Variants in SPMIP4 observed in about 807,000 individuals in gnomAD.
SPMIP4 encodes the protein sperm microtubule inner protein 4, also known as sperm-associated microtubule inner protein 4.
chr7:25,130,679 C>T, the SPMIP4 span, among the ~76,000 whole-genome samples: 19 of 152,090 alleles, frequency 1.2e-4, no homozygotes, highest in Admixed American at 2.0e-4. Context: ...AACCTTGTGA[C>T]CTTTCATTAG....
At chr7:25,135,767 T>C in the SPMIP4 span, 7 of 1,257,800 alleles carry the variant, frequency 5.6e-6, no homozygotes, top group Non-Finnish European at 7.0e-6. Flanking sequence ...TATTGCCAAA[T>C]TGTTAAACTT....
At chr7:25,152,454 A>T in the SPMIP4 span, among the ~76,000 whole-genome samples, 1 of 151,646 alleles carries the variant, frequency 6.6e-6, no homozygotes, top group South Asian at 2.1e-4. Context: ...AACACTTACC[A>T]TGTGCCAGTC....
the SPMIP4 span, among the ~76,000 whole-genome samples, chr7:25,174,279 CCT>C: frequency 4.0e-5 from 6 of 151,874 alleles, no homozygotes; most frequent in South Asian, 6.3e-4. The surrounding 1 kb of genome is among the most constrained non-coding windows in gnomAD (Gnocchi z 4.5). Context: ...TGTCTCTCTC[CCT>C]CTCTCTCCCT....
At chr7:25,164,800 C>T in the SPMIP4 span, among the ~76,000 whole-genome samples, 1 of 152,116 alleles carries the variant, frequency 6.6e-6, no homozygotes, top group East Asian at 1.9e-4. Context: ...CCCCTGAGTC[C>T]CCAGAGTCCA....
At chr7:25,174,802 A>G in the SPMIP4 span, among the ~76,000 whole-genome samples, 1 of 152,222 alleles carries the variant, frequency 6.6e-6, no homozygotes, top group African/African-American at 2.4e-5. This position sits in a 1 kb window ranked among gnomAD's most constrained non-coding sequence, Gnocchi z 4.5. Flanking sequence ...AGGAATCTTG[A>G]TGATTTTGAG....
At chr7:25,136,345 A>G in the SPMIP4 span, 1 of 1,614,098 alleles carries the variant, frequency 6.2e-7, no homozygotes, top group Non-Finnish European at 8.5e-7. The surrounding 1 kb of genome is among the most constrained non-coding windows in gnomAD (Gnocchi z 5.7). Context: ...GGGAGATTTA[A>G]GATTTTCATA....
At chr7:25,153,149 T>C in the SPMIP4 span, among the ~76,000 whole-genome samples, 4 of 152,224 alleles carry the variant, frequency 2.6e-5, no homozygotes, top group Non-Finnish European at 4.4e-5. Context: ...TGTTAGAGGA[T>C]GCTCATCTTT....
At chr7:25,179,525 CCA>C in the SPMIP4 span, 1 of 411,148 alleles carries the variant, frequency 2.4e-6, no homozygotes, top group Non-Finnish European at 4.2e-6. Flanking sequence ...TGAAACAAAT[CCA>C]CAAAGTGGAC....
the SPMIP4 span, among the ~76,000 whole-genome samples, chr7:25,128,790 T>A: frequency 6.6e-6 from 1 of 152,202 alleles, no homozygotes; most frequent in African/African-American, 2.4e-5. The surrounding 1 kb of genome is among the most constrained non-coding windows in gnomAD (Gnocchi z 4.5). Context: ...CCACCACACC[T>A]GAAGCCAGCA....
chr7:25,166,324 A>C, the SPMIP4 span, among the ~76,000 whole-genome samples: 1 of 144,982 alleles, frequency 6.9e-6, no homozygotes, highest in Non-Finnish European at 1.5e-5. Context: ...GTGGTGGCTC[A>C]CGCCTGTAAT....
the SPMIP4 span, chr7:25,142,373 G>A: frequency 2.8e-5 from 39 of 1,392,012 alleles, no homozygotes; most frequent in South Asian, 2.9e-4. Flanking sequence ...TAGGGTAAAC[G>A]AAGAACGACA....
chr7:25,177,547 C>T, the SPMIP4 span, among the ~76,000 whole-genome samples: 1 of 152,042 alleles, frequency 6.6e-6, no homozygotes, highest in Admixed American at 6.6e-5. Flanking sequence ...TATTTTTTCA[C>T]TGTCCAGGTG....
chr7:25,126,813 G>GA, the SPMIP4 span, among the ~76,000 whole-genome samples: 1 of 152,088 alleles, frequency 6.6e-6, no homozygotes, highest in Non-Finnish European at 1.5e-5. Flanking sequence ...TATTGCTTAC[G>GA]AATGTCCTTT....
the SPMIP4 span, among the ~76,000 whole-genome samples, chr7:25,171,576 T>C: frequency 9.2e-4 from 140 of 151,988 alleles, no homozygotes; most frequent in African/African-American, 3.3e-3. Flanking sequence ...CTAAAAATAC[T>C]GGGAGGAGAA....
chr7:25,171,454 T>C, the SPMIP4 span, among the ~76,000 whole-genome samples: 1 of 152,228 alleles, frequency 6.6e-6, no homozygotes, highest in African/African-American at 2.4e-5. Flanking sequence ...CAAAAACACC[T>C]GCAAATGCAT....
At chr7:25,164,369 G>A in the SPMIP4 span, among the ~76,000 whole-genome samples, 1 of 152,146 alleles carries the variant, frequency 6.6e-6, no homozygotes, top group Non-Finnish European at 1.5e-5. Context: ...AAGGGCCAGA[G>A]GATATTACAC....
At chr7:25,179,517 A>G in the SPMIP4 span, 1 of 425,430 alleles carries the variant, frequency 2.4e-6, no homozygotes, top group East Asian at 3.7e-5. Flanking sequence ...ATTTCAACTG[A>G]AACAAATCCA....
the SPMIP4 span, among the ~76,000 whole-genome samples, chr7:25,149,171 C>A: frequency 3.9e-5 from 6 of 152,136 alleles, no homozygotes; most frequent in Non-Finnish European, 7.3e-5. Flanking sequence ...GAGGAGGTAG[C>A]TGTAGGCTAT....
the SPMIP4 span, among the ~76,000 whole-genome samples, chr7:25,155,944 G>A: frequency 6.6e-6 from 1 of 152,180 alleles, no homozygotes; most frequent in Non-Finnish European, 1.5e-5. Context: ...GCAAGACCAA[G>A]TGTTTATGTG....
Sources: allele counts gnomAD v4.1 joint callset (sites outside exome capture counted in the v4.1 genomes callset), GRCh38; gene constraint gnomAD v4.1.1; non-coding constraint Gnocchi (gnomAD v3.1); transcripts MANE v1.5; gene names NCBI Gene and HGNC (gene_info 2026-07-23, HGNC 2026-07-21).